The following LAPTM4B variants were observed in gnomAD, a reference collection of about 807,000 sequenced individuals.
The protein encoded by LAPTM4B is lysosomal-associated transmembrane protein 4B.
Under a neutral mutation model 28.5 loss-of-function variants are expected in LAPTM4B, and 26 were observed. That is an observed-to-expected ratio of 0.91 (90% CI 0.67 to 1.27). The LOEUF is 1.27. LAPTM4B is among the 50% of genes most tolerant of loss of function. The pLI is 0.00. For synonymous variants in LAPTM4B, 109 were observed against 106.4 expected, an observed-to-expected ratio of 1.02 and a Z score of -0.15; for missense variants, 288 against 285.8, an observed-to-expected ratio of 1.01 and a Z score of -0.06.
chr8:97,818,869 A>AG (rs1400592835), intron 4 of LAPTM4B, among the ~76,000 whole-genome samples: 32 of 132,354 alleles, frequency 2.4e-4, no homozygotes, highest in African/African-American at 9.3e-4. Context: ...ATCTCAAAAA[A>AG]GAAAAAAAAA....
chr8:97,848,637 T>G (rs1817467676), intron 6 of LAPTM4B, among the ~76,000 whole-genome samples: 1 of 152,226 alleles, frequency 6.6e-6, no homozygotes, highest in African/African-American at 2.4e-5. Flanking sequence ...CTGGGCAACG[T>G]GGCAAGACCC....
At chr8:97,849,805 C>T (rs1244385275) in intron 6 of LAPTM4B, among the ~76,000 whole-genome samples, 1 of 150,488 alleles carries the variant, frequency 6.6e-6, no homozygotes, top group Middle Eastern at 3.2e-3. Flanking sequence ...CCCCCTCCTC[C>T]ACCCCCCTGC....
chr8:97,782,520 C>T (rs1467507235), intron 1 of LAPTM4B, among the ~76,000 whole-genome samples: 1 of 151,652 alleles, frequency 6.6e-6, no homozygotes, highest in Non-Finnish European at 1.5e-5. Context: ...CTCACTGCAA[C>T]GTCTGCCTCC....
intron 6 of LAPTM4B, among the ~76,000 whole-genome samples, chr8:97,835,694 C>T (rs1817248718): frequency 6.6e-6 from 1 of 152,174 alleles, no homozygotes; most frequent in African/African-American, 2.4e-5. Context: ...CTTGGGCGGG[C>T]CTGCTGGTGG....
chr8:97,785,319 C>T (rs1220933853), intron 1 of LAPTM4B, among the ~76,000 whole-genome samples: 4 of 152,078 alleles, frequency 2.6e-5, no homozygotes, highest in African/African-American at 7.2e-5. Flanking sequence ...TCAGGTGATC[C>T]GCCCGCCTCC....
rs113250775 is a variant in LAPTM4B at position 97,791,705 on chromosome 8, C to G, written c.100-13648C>G. 2.4e-3 allele frequency among the ~76,000 whole-genome samples: 361 copies of G among 152,250 alleles called. 4 individuals are homozygous for G. Among genetic ancestry groups the G allele is most frequent in the African/African-American group, 8.2e-3 (341 of 41,548 alleles). On this transcript the variant is annotated intron_variant, in intron 1 of 6. Transcript: ENST00000521545. Reference sequence around the variant, plus strand: ...GGCTTCTTGGGAGGAACCTGGGTTACTGGTAAGAGCGTATATGGCATTTGT... The same window carrying G: ...GGCTTCTTGGGAGGAACCTGGGTTAGTGGTAAGAGCGTATATGGCATTTGT...
At chr8:97,833,575 G>T (rs1369710572) in intron 6 of LAPTM4B, among the ~76,000 whole-genome samples, 2 of 152,164 alleles carry the variant, frequency 1.3e-5, no homozygotes, top group East Asian at 3.9e-4. Flanking sequence ...TTTTGTTGAA[G>T]AAATTAGGTT....
At chr8:97,846,902 TG>T (rs1352548552) in intron 6 of LAPTM4B, among the ~76,000 whole-genome samples, 2 of 152,188 alleles carry the variant, frequency 1.3e-5, no homozygotes, top group African/African-American at 4.8e-5. Flanking sequence ...TTTGCCTAGT[TG>T]GAATCACTTT....
chr8:97,803,198 CA>C (rs35115865), intron 1 of LAPTM4B, among the ~76,000 whole-genome samples: 66,337 of 146,802 alleles, frequency 0.45, 15,095 homozygotes, highest in East Asian at 0.58. Flanking sequence ...GACTCCGTCT[CA>C]AAAAAAAAAG....
chr8:97,818,448 G>T (rs1816955955), intron 4 of LAPTM4B, among the ~76,000 whole-genome samples: 1 of 152,214 alleles, frequency 6.6e-6, no homozygotes, highest in Non-Finnish European at 1.5e-5. Flanking sequence ...CTGTGTGAGT[G>T]TTCTGTGGGG....
At chr8:97,830,256 C>G (rs942864865) in intron 6 of LAPTM4B, among the ~76,000 whole-genome samples, 14 of 152,008 alleles carry the variant, frequency 9.2e-5, no homozygotes, top group Admixed American at 2.0e-4. Context: ...TAGAGGGTAG[C>G]AGGAGAACGG....
chr8:97,816,153 C>A lies in LAPTM4B; in HGVS notation c.381C>A (p.Asn127Lys), dbSNP rs1341242313. 1.2e-6 allele frequency: 2 copies of A among 1,613,556 alleles called. No homozygotes were observed. The highest frequency in any genetic ancestry group is 8.5e-7 in the Non-Finnish European group (1 of 1,179,824). Reference sequence around the variant, plus strand: ...CAATCACTGTGCTTATTTATCCAAACTCCATTCAGGAATACATACGGCAAC... The same window carrying A: ...CAATCACTGTGCTTATTTATCCAAAATCCATTCAGGAATACATACGGCAAC... ...LVAITVLIYP[N>K]SIQEYIRQLP... is the part of the protein sequence containing the mutation. The change falls in exon 4 of 7, where the codon AAC (asparagine) becomes AAA (lysine). Residue 127 changes from asparagine to lysine, a missense_variant. By Grantham distance (94) the Asn-to-Lys change is moderately conservative. Coordinates refer to ENST00000521545, the MANE Select transcript of LAPTM4B (RefSeq NM_018407.6).
intron 6 of LAPTM4B, among the ~76,000 whole-genome samples, chr8:97,850,228 G>A (rs1412850009): frequency 6.6e-6 from 1 of 151,944 alleles, no homozygotes; most frequent in Non-Finnish European, 1.5e-5. Context: ...TGTGGCTTCT[G>A]TGTTCTGACT....
At chr8:97,791,188 G>A (rs1034122023) in intron 1 of LAPTM4B, among the ~76,000 whole-genome samples, 6 of 152,170 alleles carry the variant, frequency 3.9e-5, no homozygotes, top group Non-Finnish European at 8.8e-5. Flanking sequence ...TTACAGGCAT[G>A]AGCCACCATG....
At position 97,825,641 on chromosome 8, in the gene LAPTM4B, TCTG is replaced by T. The variant is rs1213108851; in HGVS notation, c.603+491_603+493del. On this transcript the variant is annotated intron_variant, in intron 6 of 6. Transcript: ENST00000521545. ...GTAAAATAATTTAGATGATCTCTGT[TCTG>T]CTACTAGTTGCTCATACTTTAAAAT... Among the ~76,000 whole-genome samples the T allele has an allele frequency of 2.0e-5, 3 of 152,368 alleles. No homozygotes were observed. In the East Asian group the frequency reaches 5.8e-4, roughly 29 times the overall value.
chr8:97,851,442 A>G lies in LAPTM4B; in HGVS notation c.649A>G (p.Lys217Glu). ...YDDATVNGAA[K>E]EPPPPYVSA ...TGATGCCACTGTGAATGGTGCTGCC[A>G]AGGAGCCACCGCCACCTTACGTGTC... The change falls in exon 7 of 7, where the codon AAG becomes GAG. Residue 217 changes from lysine (K) to glutamate (E), a missense_variant. By Grantham distance (56) the Lys-to-Glu change is moderately conservative. Coordinates refer to ENST00000521545, the MANE Select transcript of LAPTM4B (RefSeq NM_018407.6). The G allele has an allele frequency of 1.2e-6, 2 of 1,614,126 alleles. No individual in the cohort carries two copies. The highest frequency in any genetic ancestry group is 1.7e-6 in the Non-Finnish European group (2 of 1,180,004).
intron 1 of LAPTM4B, among the ~76,000 whole-genome samples, chr8:97,779,097 T>C (rs1816269140): frequency 6.6e-6 from 1 of 152,176 alleles, no homozygotes; most frequent in African/African-American, 2.4e-5. Flanking sequence ...CTCACACCTG[T>C]AGTCCCAGCT....
intron 6 of LAPTM4B, among the ~76,000 whole-genome samples, chr8:97,828,600 T>C (rs1415998181): frequency 6.6e-6 from 1 of 152,206 alleles, no homozygotes; most frequent in Non-Finnish European, 1.5e-5. Flanking sequence ...CAAGGCCTGA[T>C]TGATTTACGT....
At chr8:97,817,918 A>T (rs1360291154) in intron 4 of LAPTM4B, among the ~76,000 whole-genome samples, 1 of 151,378 alleles carries the variant, frequency 6.6e-6, no homozygotes, top group African/African-American at 2.4e-5. Flanking sequence ...GGCTCAAGTG[A>T]TCCTTCCACC....
Sources: gnomAD v4.1 joint callset for allele counts (sites outside exome capture counted in the v4.1 genomes callset) on GRCh38, gnomAD v4.1.1 for gene constraint, MANE v1.5 for transcripts, NCBI Gene and HGNC (gene_info 2026-07-23, HGNC 2026-07-21) for gene names.